Variants in LRIG1 observed in about 807,000 individuals in gnomAD.
LRIG1 encodes the protein leucine rich repeats and immunoglobulin like domains 1, also known as leucine-rich repeats and immunoglobulin-like domains protein 1.
Under a neutral mutation model 99.2 loss-of-function variants are expected in LRIG1, and 48 were observed. The observed-to-expected ratio is 0.48, with a 90% CI of 0.38 to 0.62. LRIG1 has a LOEUF of 0.62. Among genes scored for constraint, LRIG1 ranks in the 20% least tolerant of loss-of-function variants. The probability of loss-of-function intolerance (pLI) is 0.00; values close to 1 mark genes in which losing one functional copy is unlikely to be tolerated. For missense variants in LRIG1, 1,646 were observed against 1,434.4 expected (o/e 1.15, Z -2.38); for synonymous variants, 772 against 596.1 (o/e 1.29, Z -4.30).
intron 12 of LRIG1, chr3:66,386,540 A>G: frequency 2.1e-6 from 1 of 486,240 alleles, no homozygotes; most frequent in Admixed American, 3.6e-5. Context: ...TTGATTAGAA[A>G]TTAACCCACC....
At chr3:66,404,870 G>C (rs1024721935) in intron 9 of LRIG1, among the ~76,000 whole-genome samples, 5 of 152,128 alleles carry the variant, frequency 3.3e-5, no homozygotes, top group African/African-American at 4.8e-5. Context: ...CAGTAACAGG[G>C]CAAGACTCCT....
At chr3:66,410,988 T>C (rs962960400) in intron 6 of LRIG1, among the ~76,000 whole-genome samples, 2 of 152,228 alleles carry the variant, frequency 1.3e-5, no homozygotes, top group Non-Finnish European at 2.9e-5. Context: ...TAAATCCTAA[T>C]TTTGCAGCTT....
chr3:66,456,832 C>T (rs929452283), intron 2 of LRIG1, among the ~76,000 whole-genome samples: 11 of 152,154 alleles, frequency 7.2e-5, no homozygotes, highest in Non-Finnish European at 1.5e-4. Flanking sequence ...AGCAGGCACT[C>T]GCGGGCCAGG....
At chr3:66,489,478 C>T (rs370324969) in intron 1 of LRIG1, among the ~76,000 whole-genome samples, 5 of 151,976 alleles carry the variant, frequency 3.3e-5, no homozygotes, top group African/African-American at 9.7e-5. Flanking sequence ...GCCATGATTG[C>T]GCCACTGCAC....
At chr3:66,412,483 T>G (rs1702499209) in intron 6 of LRIG1, among the ~76,000 whole-genome samples, 1 of 152,176 alleles carries the variant, frequency 6.6e-6, no homozygotes, top group Non-Finnish European at 1.5e-5. Context: ...TTCCCCCAAG[T>G]GGATTTCAGT....
intron 11 of LRIG1, among the ~76,000 whole-genome samples, chr3:66,395,684 T>C (rs917400177): frequency 1.3e-5 from 2 of 152,234 alleles, no homozygotes; most frequent in African/African-American, 4.8e-5. Context: ...GTGGAGTCAC[T>C]GCAGGTGGCG....
intron 1 of LRIG1, among the ~76,000 whole-genome samples, chr3:66,481,937 T>C (rs1055429716): frequency 1.3e-5 from 2 of 152,246 alleles, no homozygotes; most frequent in South Asian, 4.1e-4. Context: ...CAACCTTGTT[T>C]ATGCTCCAAG....
intron 9 of LRIG1, among the ~76,000 whole-genome samples, chr3:66,400,849 T>C (rs886725274): frequency 3.3e-5 from 5 of 152,042 alleles, no homozygotes; most frequent in African/African-American, 4.8e-5. Context: ...TGGGAACCGC[T>C]TGGGCAGGTA....
intron 3 of LRIG1, among the ~76,000 whole-genome samples, chr3:66,431,351 C>T (rs1027578774): frequency 5.3e-5 from 8 of 152,160 alleles, no homozygotes; most frequent in Admixed American, 5.2e-4. Flanking sequence ...GAGATGGCAA[C>T]GATCAAGAAT....
intron 11 of LRIG1, among the ~76,000 whole-genome samples, chr3:66,396,082 C>A (rs191834701): frequency 6.6e-6 from 1 of 152,248 alleles, no homozygotes; most frequent in Admixed American, 6.5e-5. Flanking sequence ...ATCCTACACA[C>A]GCCCTGGACG....
intron 14 of LRIG1, 30 bp downstream of exon 14, chr3:66,383,961 C>A: frequency 6.2e-7 from 1 of 1,604,788 alleles, no homozygotes; most frequent in East Asian, 2.2e-5. Context: ...CACACACACA[C>A]ACACACACAC....
chr3:66,386,396 A>G (rs1015363550), intron 12 of LRIG1, 95 bp from the exon 13 acceptor site: 3 of 1,053,132 alleles, frequency 2.8e-6, no homozygotes, highest in East Asian at 4.8e-5. Flanking sequence ...ACAGACACCA[A>G]GCAGGAACCA....
intron 3 of LRIG1, among the ~76,000 whole-genome samples, chr3:66,423,410 A>G (rs1372504264): frequency 6.6e-6 from 1 of 152,090 alleles, no homozygotes; most frequent in East Asian, 1.9e-4. Context: ...TGTCTCTACT[A>G]AAAATAAAAA....
chr3:66,500,911 C>T lies in LRIG1; in HGVS notation c.-504G>A, dbSNP rs1001163644. The T allele has an allele frequency of 1.3e-4, 19 of 151,808 alleles. No individual in the cohort carries two copies. The highest frequency in any genetic ancestry group is 3.9e-4 in the African/African-American group (16 of 41,316). 9.4% of individuals were successfully genotyped at this position (151,808 alleles called of 1,614,324 possible). A position where few individuals can be genotyped will look rare whatever the true frequency, so the allele number is the denominator to read the frequency against. ...GGGAGGCCCCAGTGCGCCTCGCTGT[C>T]CCCACGCCGCGGCCAGAGAGCGCGC... On this transcript the variant is annotated 5_prime_UTR_variant, in exon 1 of 19. Transcript: ENST00000273261.
At chr3:66,451,427 G>A in intron 3 of LRIG1, 132 bp downstream of exon 3, 3 of 682,638 alleles carry the variant, frequency 4.4e-6, no homozygotes, top group South Asian at 3.9e-5. Flanking sequence ...GATCATGAGG[G>A]CCACATGAAG....
At chr3:66,398,916 C>T (rs1701953862) in intron 10 of LRIG1, 54 bp downstream of exon 10, 18 of 1,480,912 alleles carry the variant, frequency 1.2e-5, no homozygotes, top group South Asian at 3.4e-5. Flanking sequence ...CAGAACTCCC[C>T]GGCAGCCGCA....
intron 1 of LRIG1, among the ~76,000 whole-genome samples, chr3:66,462,720 A>G (rs1700382833): frequency 6.6e-6 from 1 of 152,152 alleles, no homozygotes; most frequent in South Asian, 2.1e-4. Context: ...CAACTCTATG[A>G]AAACCCAAAC....
chr3:66,379,965 T>TATA lies in LRIG1; in HGVS notation c.*295_*297dup, dbSNP rs1042115100. 1.2e-4 allele frequency: 25 copies of TATA among 215,368 alleles called. No individual in the cohort carries two copies. Among genetic ancestry groups the TATA allele is most frequent in the African/African-American group, 5.5e-4 (24 of 43,854 alleles). The allele number at this position is 215,368 out of a possible 1,614,324, so 13.3% of individuals were successfully genotyped here. A position where few individuals can be genotyped will look rare whatever the true frequency, so the allele number is the denominator to read the frequency against. Reference sequence around the variant, plus strand: ...ACGAAAAATAATATTGTCAAAATTGTATAATTTTTTTCTGTTAACCATGCA... The same window carrying TATA: ...ACGAAAAATAATATTGTCAAAATTGTATAATAATTTTTTTCTGTTAACCATGCA... On this transcript the variant is annotated 3_prime_UTR_variant, in exon 19 of 19. Coordinates refer to ENST00000273261, the MANE Select transcript of LRIG1 (RefSeq NM_015541.3).
At position 66,413,002 on chromosome 3, in the gene LRIG1, C is replaced by T; in HGVS notation, c.660G>A (p.Arg220=). ...LPRLTQLDLN[R]NRIRLIEGLT... ...GGCCCTCTATCAGCCGAATCCTGTT[C>T]CGATTGAGGTCCCTAAAGAGATGAA... Residue 220 remains arginine, a synonymous_variant, in exon 6 of 19, where the codon CGG becomes CGA. Coordinates refer to ENST00000273261, the MANE Select transcript of LRIG1 (RefSeq NM_015541.3). The T allele has an allele frequency of 6.2e-7, 1 of 1,614,204 alleles. No homozygotes were observed. Among genetic ancestry groups the T allele is most frequent in the Non-Finnish European group, 8.5e-7 (1 of 1,180,036 alleles).
Sources: gnomAD v4.1 joint callset for allele counts (sites outside exome capture counted in the v4.1 genomes callset) on GRCh38, gnomAD v4.1.1 for gene constraint, MANE v1.5 for transcripts, NCBI Gene and HGNC (gene_info 2026-07-23, HGNC 2026-07-21) for gene names.